The following CABLES2 variants were observed in gnomAD, a reference collection of about 807,000 sequenced individuals.
The protein encoded by CABLES2 is Cdk5 and Abl enzyme substrate 2.
A neutral mutation model predicts 44.8 loss-of-function variants in CABLES2; 35 were observed. The observed-to-expected ratio is 0.78, with a 90% CI of 0.60 to 1.04. The LOEUF (loss-of-function observed/expected upper bound fraction) is 1.04, where lower values mean the gene tolerates loss of function less well. Ranked by LOEUF, CABLES2 falls within the 50% of genes least tolerant of loss-of-function variation. The probability of loss-of-function intolerance (pLI) is 0.00; values close to 1 mark genes in which losing one functional copy is unlikely to be tolerated. For missense variants in CABLES2, 566 were observed against 615.7 expected, an observed-to-expected ratio of 0.92 and a Z score of 0.85; for synonymous variants, 282 against 281.1, an observed-to-expected ratio of 1.00 and a Z score of -0.03.
intron 6 of CABLES2, 139 bp downstream of exon 6, chr20:62,393,301 C>T: frequency 9.8e-7 from 1 of 1,016,900 alleles, no homozygotes; most frequent in East Asian, 2.4e-5. Flanking sequence ...TGTTCCTCTC[C>T]TGACCCTGTT....
Position 62,400,509 on chromosome 20 carries a change from T to C in CABLES2, c.363-3917A>G, listed in dbSNP as rs1365525038. ...GAAAGAAGCCAGTGAAGGAGGAGAT[T>C]TGGGGACTGTCCCCAGAGAGGTGTT... On this transcript the variant is annotated intron_variant, in intron 1 of 9. Coordinates refer to ENST00000279101, the MANE Select transcript of CABLES2 (RefSeq NM_031215.3). Among the ~76,000 whole-genome samples, 4 of 152,144 alleles carry C rather than the reference T, an allele frequency of 2.6e-5. No homozygotes were observed. The South Asian group carries it at 6.2e-4, about 24-fold the overall frequency.
At position 62,393,397 on chromosome 20, in the gene CABLES2, C is replaced by T. The variant is rs535552791; in HGVS notation, c.880+43G>A. On this transcript the variant is annotated intron_variant, in intron 6 of 9. Transcript: ENST00000279101. ...GTCCCTGGGCCGTGGTTAAGGCACG[C>T]GGGTCACCCTGTTCCAGGCCGTGGT... 28 of 1,543,768 alleles carry T rather than the reference C, an allele frequency of 1.8e-5. No individual in the cohort carries two copies. The East Asian group carries it at 4.3e-4, about 24-fold the overall frequency.
At chr20:62,399,243 TTTTA>T (rs1389213915) in intron 1 of CABLES2, among the ~76,000 whole-genome samples, 2 of 133,056 alleles carry the variant, frequency 1.5e-5, no homozygotes, top group East Asian at 4.8e-4. Context: ...AGCCACCATA[TTTTA>T]TTTTATTTAT....
chr20:62,395,230 C>T (rs573853105), intron 3 of CABLES2, among the ~76,000 whole-genome samples: 1 of 152,378 alleles, frequency 6.6e-6, no homozygotes, highest in Admixed American at 6.5e-5. Context: ...GGATTCCCTA[C>T]AGGAGCTACC....
In CABLES2 at chr20:62,406,923, C is replaced by T; in HGVS notation, c.354G>A (p.Gln118=). Residue 118 remains glutamine, a synonymous_variant, in exon 1 of 10, where the codon CAG becomes CAA. Coordinates refer to ENST00000279101, the MANE Select transcript of CABLES2 (RefSeq NM_031215.3). ...QVPTGLGLDG[Q]RQRKRVTSQR... ...GCCGGGCCCCCACTCACCTCTGGCGCTGCCCATCCAGGCCGAGGCCGGTGG... is the reference window on the plus strand; with the variant it reads ...GCCGGGCCCCCACTCACCTCTGGCGTTGCCCATCCAGGCCGAGGCCGGTGG... 1 of 1,219,964 alleles carries T rather than the reference C, an allele frequency of 8.2e-7. No individual in the cohort carries two copies. The highest frequency in any genetic ancestry group is 3.3e-5 in the East Asian group (1 of 30,748). 75.6% of individuals were successfully genotyped at this position (1,219,964 alleles called of 1,614,324 possible). A position where few individuals can be genotyped will look rare whatever the true frequency, so the allele number is the denominator to read the frequency against.
At chr20:62,397,915 CAGTGGTGATGGT>C (rs1569017060) in intron 1 of CABLES2, among the ~76,000 whole-genome samples, 5 of 55,462 alleles carry the variant, frequency 9.0e-5, no homozygotes, top group Admixed American at 1.9e-4. Context: ...ATGGTGATGG[CAGTGGTGATGGT>C]GGTGGTGGTG....
intron 1 of CABLES2, among the ~76,000 whole-genome samples, chr20:62,399,003 A>G (rs567587451): frequency 3.9e-5 from 6 of 152,016 alleles, no homozygotes; most frequent in African/African-American, 1.2e-4. Flanking sequence ...CTGAAGTGCA[A>G]TGGCGCCATC....
At position 62,390,096 on chromosome 20, in the gene CABLES2, T is replaced by C. The variant is rs147123466; in HGVS notation, c.*875A>G. 290 of 152,400 alleles carry C rather than the reference T, an allele frequency of 1.9e-3. 1 individual carries two copies. Among genetic ancestry groups the C allele is most frequent in the African/African-American group, 6.3e-3 (263 of 41,498 alleles). 9.4% of individuals were successfully genotyped at this position (152,400 alleles called of 1,614,324 possible). On this transcript the variant is annotated 3_prime_UTR_variant, in exon 10 of 10. Transcript: ENST00000279101. ...CCAAAAAACCAAATCCCAATAAATA[T>C]GTTATTTTTCTCCATCACAATATTG... is the stretch of plus-strand genomic sequence containing the variant.
intron 5 of CABLES2, among the ~76,000 whole-genome samples, chr20:62,393,830 G>A (rs552759455): frequency 1.8e-4 from 27 of 152,358 alleles, no homozygotes; most frequent in African/African-American, 6.5e-4. Context: ...TCTGTAGCCT[G>A]TAACGTTCTC....
Position 62,391,578 on chromosome 20 carries a change from C to T in CABLES2, c.1092-125G>A. On this transcript the variant is annotated intron_variant, in intron 8 of 9. Transcript: ENST00000279101. This position sits in a 1 kb window ranked among gnomAD's most constrained non-coding sequence, Gnocchi z 5.7. ...GGGCCGCAAGAAACACCACCGCATC[C>T]TTCAGGGGATGGTACCCTCCGCCGT... 1.1e-6 allele frequency: 1 copy of T among 932,534 alleles called. No individual in the cohort carries two copies. Among genetic ancestry groups the T allele is most frequent in the South Asian group, 1.5e-5 (1 of 67,266 alleles). The allele number at this position is 932,534 out of a possible 1,614,324, so 57.8% of individuals were successfully genotyped here.
At chr20:62,401,568 C>T (rs1007714769) in intron 1 of CABLES2, among the ~76,000 whole-genome samples, 1 of 152,224 alleles carries the variant, frequency 6.6e-6, no homozygotes, top group Non-Finnish European at 1.5e-5. Context: ...GAGAGGATCA[C>T]GCATGTGCAG....
At chr20:62,404,839 C>G (rs1378154147) in intron 1 of CABLES2, 1 of 152,234 alleles carries the variant, frequency 6.6e-6, no homozygotes, top group Non-Finnish European at 1.5e-5. Flanking sequence ...CTGCAGGCAC[C>G]CAGCCCATGC....
chr20:62,394,364 A>G (rs1601472732), intron 4 of CABLES2, 99 bp from the exon 5 acceptor site: 1 of 889,364 alleles, frequency 1.1e-6, no homozygotes, highest in Non-Finnish European at 1.8e-6. Context: ...TCTCGGGAAC[A>G]ATGTCAGCAC....
At position 62,394,845 on chromosome 20, in the gene CABLES2, G is replaced by C. The variant is rs914587282; in HGVS notation, c.605+92C>G. 5 of 1,177,090 alleles carry C rather than the reference G, an allele frequency of 4.2e-6. No homozygotes were observed. In the African/African-American group the frequency reaches 7.7e-5, roughly 18 times the overall value. The allele number at this position is 1,177,090 out of a possible 1,614,324, so 72.9% of individuals were successfully genotyped here. On this transcript the variant is annotated intron_variant, in intron 4 of 9. Transcript: ENST00000279101. Reference sequence around the variant, plus strand: ...GGGGGCAGCCGCACCTGGGGGCGCAGTGCCCGCTGATGCCTCCTGGGCCTG... The same window carrying C: ...GGGGGCAGCCGCACCTGGGGGCGCACTGCCCGCTGATGCCTCCTGGGCCTG...
chr20:62,398,184 G>GTGA (rs796314010), intron 1 of CABLES2, among the ~76,000 whole-genome samples: 5 of 74,358 alleles, frequency 6.7e-5, no homozygotes, highest in Non-Finnish European at 1.5e-4. Flanking sequence ...GGTGGTGGTG[G>GTGA]TGATGGTGAT....
At position 62,393,592 on chromosome 20, in the gene CABLES2, G is replaced by A. The variant is rs776946463; in HGVS notation, c.728C>T (p.Ala243Val). The A allele has an allele frequency of 6.9e-6, 11 of 1,595,154 alleles. No individual in the cohort carries two copies. The highest frequency in any genetic ancestry group is 4.0e-5 in the African/African-American group (3 of 74,316). The change falls in exon 6 of 10, where the codon GCG (alanine) becomes GTG (valine). Residue 243 changes from alanine to valine, a missense_variant. This residue lies in a region of CABLES2 where 436 missense variants were observed against 536.3 expected (regional missense o/e 0.81). Transcript: ENST00000279101. Reference sequence around the variant, plus strand: ...GGCGTTGGTGGGATACAGGAACTTCGCATAAGACACGACCTGGAAAAGCAA... The same window carrying A: ...GGCGTTGGTGGGATACAGGAACTTCACATAAGACACGACCTGGAAAAGCAA... Reference protein sequence around the residue: ...LGADGKVVSYAKFLYPTNALV... With the variant: ...LGADGKVVSYVKFLYPTNALV...
At position 62,396,620 on chromosome 20, in the gene CABLES2, C is replaced by T. The variant is rs776854039; in HGVS notation, c.363-28G>A. 2.6e-4 allele frequency: 410 copies of T among 1,594,416 alleles called. No individual in the cohort carries two copies. The highest frequency in any genetic ancestry group is 3.5e-4 in the Non-Finnish European group (404 of 1,170,896). On this transcript the variant is annotated intron_variant, in intron 1 of 9. Coordinates refer to ENST00000279101, the MANE Select transcript of CABLES2 (RefSeq NM_031215.3). This position sits in a 1 kb window ranked among gnomAD's most constrained non-coding sequence, Gnocchi z 5.7. ...GCAAGATGACAATGGAGCCTCAAAA[C>T]AGGCCACCAGCCCGGGTGCCGCCTT... is the stretch of plus-strand genomic sequence containing the variant.
chr20:62,398,042 G>A (rs1400545214), intron 1 of CABLES2, among the ~76,000 whole-genome samples: 2 of 150,068 alleles, frequency 1.3e-5, no homozygotes, highest in Non-Finnish European at 3.0e-5. Context: ...CAGTGATGGT[G>A]ATGGTGGTGA....
intron 6 of CABLES2, 140 bp from the exon 7 acceptor site, chr20:62,393,163 C>T: frequency 2.5e-6 from 2 of 796,192 alleles, no homozygotes; most frequent in South Asian, 3.4e-5. Context: ...CTGAAGGGCC[C>T]AGGGCTTAGG....
Sources: allele counts gnomAD v4.1 joint callset (sites outside exome capture counted in the v4.1 genomes callset), GRCh38; gene constraint gnomAD v4.1.1; regional missense constraint gnomAD v4.1.1; non-coding constraint Gnocchi (gnomAD v3.1); transcripts MANE v1.5; gene names NCBI Gene and HGNC (gene_info 2026-07-23, HGNC 2026-07-21).